EDIL3: variants seen among roughly 807,000 people sequenced by gnomAD.
EDIL3 encodes EGF-like repeat and discoidin I-like domain-containing protein 3.
Under a neutral mutation model 67.4 loss-of-function variants are expected in EDIL3, and 37 were observed. That is an observed-to-expected ratio of 0.55 (90% CI 0.42 to 0.72). The LOEUF is 0.72. EDIL3 is among the 30% of genes least tolerant of loss of function. The pLI is 0.00. For missense variants in EDIL3, 527 were observed against 586.3 expected, an observed-to-expected ratio of 0.90 and a Z score of 1.04; for synonymous variants, 195 against 196.3, an observed-to-expected ratio of 0.99 and a Z score of 0.05.
At chr5:84,057,847 G>A (rs1746476823) in intron 9 of EDIL3, among the ~76,000 whole-genome samples, 1 of 152,064 alleles carries the variant, frequency 6.6e-6, no homozygotes, top group African/African-American at 2.4e-5. Context: ...TTAGTTAGAT[G>A]CTGAACAACA....
At chr5:84,266,230 G>A (rs556086629) in intron 1 of EDIL3, among the ~76,000 whole-genome samples, 1 of 152,134 alleles carries the variant, frequency 6.6e-6, no homozygotes, top group South Asian at 2.1e-4. Flanking sequence ...CACTGCATTG[G>A]GTCACACAAC....
rs940196201 is a variant in EDIL3 at position 84,151,886 on chromosome 5, T to G, written c.356-14532A>C. Among the ~76,000 whole-genome samples, 10 of 152,016 alleles carry G rather than the reference T, an allele frequency of 6.6e-5. 1 individual carries two copies. Among genetic ancestry groups the G allele is most frequent in the African/African-American group, 2.4e-4 (10 of 41,456 alleles). ...ACAGGAACTATGAAATAATAATAAT[T>G]TTCTAGTTCTCTTTGCTGCTTCTTT... On this transcript the variant is annotated intron_variant, in intron 4 of 10. Coordinates refer to ENST00000296591, the MANE Select transcript of EDIL3 (RefSeq NM_005711.5).
chr5:84,352,905 G>A (rs749078659), intron 1 of EDIL3, among the ~76,000 whole-genome samples: 8 of 152,138 alleles, frequency 5.3e-5, no homozygotes, highest in Non-Finnish European at 1.2e-4. Context: ...CACCATAGGA[G>A]ATGGCATGTT....
intron 1 of EDIL3, among the ~76,000 whole-genome samples, chr5:84,256,216 A>G (rs539391887): frequency 6.6e-6 from 1 of 151,870 alleles, no homozygotes; most frequent in Non-Finnish European, 1.5e-5. Context: ...TTTGTCTATC[A>G]ATTTGTCTAT....
rs762714543 is a variant in EDIL3, at chr5:84,238,903, TG to T, written c.197-9020del. On this transcript the variant is annotated intron_variant, in intron 2 of 10. Transcript: ENST00000296591. ...AATAAAGGTGCAGGACTATTCAGGG[TG>T]GGCCCACACCACATTTTTCTAATCT... is the stretch of plus-strand genomic sequence containing the variant. 1.3e-4 allele frequency among the ~76,000 whole-genome samples: 20 copies of T among 152,160 alleles called. 1 individual carries two copies. The East Asian group carries it at 3.7e-3, about 28-fold the overall frequency.
intron 5 of EDIL3, among the ~76,000 whole-genome samples, chr5:84,121,597 G>A (rs1433504442): frequency 6.8e-6 from 1 of 147,324 alleles, no homozygotes; most frequent in East Asian, 2.0e-4. Context: ...TTTTCAATAG[G>A]TCCCCATTGG....
At chr5:83,948,712 T>C (rs886847377) in intron 10 of EDIL3, among the ~76,000 whole-genome samples, 1 of 151,856 alleles carries the variant, frequency 6.6e-6, no homozygotes, top group Non-Finnish European at 1.5e-5. Flanking sequence ...AAGCTTTGCA[T>C]GTATGAAACT....
chr5:84,311,549 G>T (rs189989861), intron 1 of EDIL3, among the ~76,000 whole-genome samples: 6 of 151,704 alleles, frequency 4.0e-5, no homozygotes, highest in Admixed American at 3.3e-4. Flanking sequence ...GGGTAGTAGG[G>T]TGTCCAGTTT....
At chr5:84,299,279 A>G (rs1746108288) in intron 1 of EDIL3, among the ~76,000 whole-genome samples, 1 of 152,222 alleles carries the variant, frequency 6.6e-6, no homozygotes, top group Non-Finnish European at 1.5e-5. Flanking sequence ...AGGAGCATGG[A>G]ACTGGAAGTA....
intron 1 of EDIL3, 37 bp downstream of exon 1, chr5:84,384,271 C>A: frequency 6.2e-7 from 1 of 1,601,482 alleles, no homozygotes. Flanking sequence ...ACTCCCAGCC[C>A]ATCCCTCACC....
intron 2 of EDIL3, among the ~76,000 whole-genome samples, chr5:84,243,131 G>C (rs926080743): frequency 6.6e-6 from 1 of 152,030 alleles, no homozygotes; most frequent in African/African-American, 2.4e-5. Context: ...AAAATTAAAG[G>C]GAAAAGGGTG....
rs572705167 is a variant in EDIL3 at position 83,942,713 on chromosome 5, A to G, written c.*706T>C. The G allele has an allele frequency of 6.6e-6, 1 of 152,192 alleles. No homozygotes were observed. The highest frequency in any genetic ancestry group is 2.4e-5 in the African/African-American group (1 of 41,566). The allele number at this position is 152,192 out of a possible 1,614,324, so 9.4% of individuals were successfully genotyped here. ...TGATAGGCAGTCATGTTCTACATAT[A>G]TGAGTAAACATGACACTTCTTTTAG... On this transcript the variant is annotated 3_prime_UTR_variant, in exon 11 of 11. Transcript: ENST00000296591.
intron 1 of EDIL3, among the ~76,000 whole-genome samples, chr5:84,383,648 C>T (rs530765368): frequency 6.6e-6 from 1 of 152,214 alleles, no homozygotes; most frequent in South Asian, 2.1e-4. Context: ...AGCTCCAGGC[C>T]CCTGGGGTCA....
At chr5:84,048,424 T>G (rs73134240) in intron 9 of EDIL3, among the ~76,000 whole-genome samples, 1 of 152,038 alleles carries the variant, frequency 6.6e-6, no homozygotes, top group South Asian at 2.1e-4. Context: ...TGATTTCTTA[T>G]ACATTTTCAC....
intron 10 of EDIL3, among the ~76,000 whole-genome samples, chr5:83,957,616 T>G (rs907048319): frequency 8.6e-5 from 13 of 151,776 alleles, no homozygotes; most frequent in African/African-American, 3.1e-4. Flanking sequence ...TGCTTCTATT[T>G]TTCACACCCA....
intron 9 of EDIL3, among the ~76,000 whole-genome samples, chr5:84,013,811 G>T (rs1745555178): frequency 6.6e-6 from 1 of 152,144 alleles, no homozygotes; most frequent in Non-Finnish European, 1.5e-5. Context: ...TCTTCCAGGG[G>T]ATAACCCTTA....
intron 10 of EDIL3, among the ~76,000 whole-genome samples, chr5:83,951,245 T>C (rs1043304572): frequency 6.6e-6 from 1 of 151,780 alleles, no homozygotes; most frequent in Non-Finnish European, 1.5e-5. Context: ...AAAAATTATT[T>C]CCATTCCCAT....
chr5:84,342,213 A>T (rs12153600), intron 1 of EDIL3, among the ~76,000 whole-genome samples: 1 of 152,024 alleles, frequency 6.6e-6, no homozygotes, highest in South Asian at 2.1e-4. Context: ...CAGATACATG[A>T]GTGGAATTGG....
At chr5:83,987,193 C>G (rs914853938) in intron 9 of EDIL3, among the ~76,000 whole-genome samples, 1 of 152,082 alleles carries the variant, frequency 6.6e-6, no homozygotes, top group East Asian at 1.9e-4. Flanking sequence ...ATGTTTATCT[C>G]TAAAACTGCA....
Sources: allele counts gnomAD v4.1 joint callset (sites outside exome capture counted in the v4.1 genomes callset), GRCh38; gene constraint gnomAD v4.1.1; transcripts MANE v1.5; gene names NCBI Gene and HGNC (gene_info 2026-07-23, HGNC 2026-07-21).